The following DENND1A variants were observed in gnomAD, a reference collection of about 807,000 sequenced individuals.
DENND1A encodes the protein DENN domain-containing protein 1A.
In DENND1A, 51 loss-of-function variants were observed where a neutral mutation model predicts 113.7. That is an observed-to-expected ratio of 0.45 (90% CI 0.36 to 0.57). DENND1A has a LOEUF of 0.57. Ranked by LOEUF, DENND1A falls within the 20% of genes least tolerant of loss-of-function variation. The pLI is 0.00. For synonymous variants in DENND1A, 565 were observed against 570.8 expected, an observed-to-expected ratio of 0.99 and a Z score of 0.14; for missense variants, 1,258 against 1,395.9, an observed-to-expected ratio of 0.90 and a Z score of 1.57.
chr9:123,633,187 C>T (rs533397922), intron 9 of DENND1A, among the ~76,000 whole-genome samples: 1 of 152,148 alleles, frequency 6.6e-6, no homozygotes, highest in African/African-American at 2.4e-5. Context: ...GGATTACAGG[C>T]GTGAGCCACT....
intron 10 of DENND1A, among the ~76,000 whole-genome samples, chr9:123,614,715 AG>A (rs2060567583): frequency 6.6e-6 from 1 of 152,184 alleles, no homozygotes. Flanking sequence ...AGCTTAGGGC[AG>A]CCCAGGGATT....
intron 2 of DENND1A, among the ~76,000 whole-genome samples, chr9:123,819,881 T>C (rs1170607814): frequency 6.6e-6 from 1 of 152,198 alleles, no homozygotes; most frequent in Non-Finnish European, 1.5e-5. Context: ...TTTTCTGAAT[T>C]TTATAAATAA....
At chr9:123,737,353 G>A (rs1349406714) in intron 5 of DENND1A, among the ~76,000 whole-genome samples, 1 of 152,010 alleles carries the variant, frequency 6.6e-6, no homozygotes, top group African/African-American at 2.4e-5. Context: ...GCACTACCAT[G>A]CCTGGCTAAT....
chr9:123,551,629 G>A lies in DENND1A; in HGVS notation c.993+5941C>T, dbSNP rs145470817. Among the ~76,000 whole-genome samples the A allele has an allele frequency of 3.3e-3, 504 of 152,318 alleles. 1 individual carries two copies. Among genetic ancestry groups the A allele is most frequent in the Middle Eastern group, 6.8e-3 (2 of 294 alleles). The stretch of plus-strand genomic sequence containing the variant: ...TGAGAGCACGGATGGGAAGCAACTC[G>A]GAGTTGAACTGAGTGCTGACCCTGT... On this transcript the variant is annotated intron_variant, in intron 13 of 23. Transcript: ENST00000394215.
At chr9:123,800,054 G>C (rs1462421648) in intron 2 of DENND1A, among the ~76,000 whole-genome samples, 1 of 152,134 alleles carries the variant, frequency 6.6e-6, no homozygotes, top group African/African-American at 2.4e-5. Flanking sequence ...GCCTTCTACT[G>C]CTTACTTAGA....
rs2042258061 is a variant in DENND1A at position 123,381,401 on chromosome 9, C to T, written c.*31G>A. On this transcript the variant is annotated 3_prime_UTR_variant, in exon 24 of 24. Coordinates refer to ENST00000394215, the MANE Select transcript of DENND1A (RefSeq NM_001352964.2). This position sits in a 1 kb window ranked among gnomAD's most constrained non-coding sequence, Gnocchi z 4.7. Reference sequence around the variant, plus strand: ...CGCAGCAGTGGACGGACCCTCGGGCCTCGGTGCATCCCCCACCCTCAGGGC... The same window carrying T: ...CGCAGCAGTGGACGGACCCTCGGGCTTCGGTGCATCCCCCACCCTCAGGGC... The T allele has an allele frequency of 1.2e-6, 2 of 1,603,616 alleles. No individual in the cohort carries two copies. Among genetic ancestry groups the T allele is most frequent in the African/African-American group, 1.3e-5 (1 of 74,770 alleles).
chr9:123,885,691 G>A (rs1200285243), intron 1 of DENND1A, among the ~76,000 whole-genome samples: 2 of 152,244 alleles, frequency 1.3e-5, no homozygotes, highest in Non-Finnish European at 2.9e-5. Context: ...AAGGCTGAGG[G>A]TAAGCCAATA....
intron 5 of DENND1A, among the ~76,000 whole-genome samples, chr9:123,734,872 C>T (rs1019762538): frequency 3.9e-5 from 6 of 152,096 alleles, no homozygotes; most frequent in African/African-American, 1.4e-4. Context: ...GCCGTGTTAG[C>T]TTTCAAGTTG....
chr9:123,697,027 G>A (rs1020330336), intron 5 of DENND1A, among the ~76,000 whole-genome samples: 6 of 152,082 alleles, frequency 3.9e-5, no homozygotes, highest in Non-Finnish European at 8.8e-5. Context: ...CGGCAATTTG[G>A]AGCTATACAA....
intron 11 of DENND1A, among the ~76,000 whole-genome samples, chr9:123,599,412 CTT>C (rs1336106029): frequency 6.6e-6 from 1 of 152,170 alleles, no homozygotes; most frequent in African/African-American, 2.4e-5. Flanking sequence ...AGTTTGACCT[CTT>C]TGTACAAAAC....
At chr9:123,560,354 G>A (rs73578167) in intron 12 of DENND1A, among the ~76,000 whole-genome samples, 2,186 of 152,256 alleles carry the variant, frequency 0.014, 64 homozygotes, top group African/African-American at 0.051. Flanking sequence ...GATAAAGGGC[G>A]TGCCTCATGT....
At position 123,871,446 on chromosome 9, in the gene DENND1A, T is replaced by A. The variant is rs142957154; in HGVS notation, c.88+7505A>T. The stretch of plus-strand genomic sequence containing the variant: ...TAATAATTTTGAGTATCCATTGTGA[T>A]CACAGATATTCAGGTGAAGCTCCTA... On this transcript the variant is annotated intron_variant, in intron 2 of 23. Transcript: ENST00000394215. Among the ~76,000 whole-genome samples, 747 of 152,296 alleles carry A rather than the reference T, an allele frequency of 4.9e-3. 3 individuals are homozygous for A. Among genetic ancestry groups the A allele is most frequent in the African/African-American group, 0.018 (730 of 41,560 alleles).
At chr9:123,753,276 A>C (rs757061253) in intron 5 of DENND1A, among the ~76,000 whole-genome samples, 67 of 152,352 alleles carry the variant, frequency 4.4e-4, no homozygotes, top group Non-Finnish European at 7.2e-4. Context: ...GGAGAAAAAA[A>C]CATAAAAATT....
At chr9:123,838,439 G>A (rs528858704) in intron 2 of DENND1A, among the ~76,000 whole-genome samples, 1 of 150,338 alleles carries the variant, frequency 6.7e-6, no homozygotes, top group African/African-American at 2.5e-5. Flanking sequence ...ACAGCCACGA[G>A]CTTTGCTCCA....
intron 12 of DENND1A, among the ~76,000 whole-genome samples, chr9:123,576,991 G>C (rs550266893): frequency 6.6e-6 from 1 of 151,856 alleles, no homozygotes; most frequent in African/African-American, 2.4e-5. Flanking sequence ...CAGGTTTATT[G>C]AGCTTCTTGG....
chr9:123,609,884 T>C lies in DENND1A; in HGVS notation c.720-403A>G, dbSNP rs561757358. 2.6e-5 allele frequency among the ~76,000 whole-genome samples: 4 copies of C among 152,366 alleles called. No individual in the cohort carries two copies. In the South Asian group the frequency reaches 8.3e-4, roughly 32 times the overall value. ...CAGATGGGAACGATTATTGCCATGA[T>C]TACAACAGAAAAAGCAGTTAAGGTT... On this transcript the variant is annotated intron_variant, in intron 10 of 23. Coordinates refer to ENST00000394215, the MANE Select transcript of DENND1A (RefSeq NM_001352964.2).
At chr9:123,807,045 T>A (rs1186837256) in intron 2 of DENND1A, among the ~76,000 whole-genome samples, 1 of 152,222 alleles carries the variant, frequency 6.6e-6, no homozygotes, top group Non-Finnish European at 1.5e-5. Flanking sequence ...TACATCACCA[T>A]AACATGTGGA....
intron 5 of DENND1A, among the ~76,000 whole-genome samples, chr9:123,706,807 G>GTC (rs1233168930): frequency 6.8e-6 from 1 of 147,970 alleles, no homozygotes; most frequent in East Asian, 2.0e-4. Context: ...ATAGAGAAGG[G>GTC]TCAAAAACAA....
chr9:123,690,092 GGGAGGGAGGGAGGGAGGAAGAAAAA>G (rs1324905912), intron 5 of DENND1A, among the ~76,000 whole-genome samples: 1 of 100,670 alleles, frequency 9.9e-6, no homozygotes, highest in African/African-American at 3.7e-5. Context: ...AAAGGAGGGA[GGGAGGGAGGGAGGGAGGAAGAAAAA>G]GGAGGGAGGG....
Sources: gnomAD v4.1 joint callset for allele counts (sites outside exome capture counted in the v4.1 genomes callset) on GRCh38, gnomAD v4.1.1 for gene constraint, Gnocchi (gnomAD v3.1) non-coding constraint, MANE v1.5 for transcripts, NCBI Gene and HGNC (gene_info 2026-07-23, HGNC 2026-07-21) for gene names.